STXBP3: variants seen among roughly 807,000 people sequenced by gnomAD.
The protein encoded by STXBP3 is syntaxin-binding protein 3.
A neutral mutation model predicts 85.7 loss-of-function variants in STXBP3; 41 were observed. The ratio of observed to expected loss-of-function variants is 0.48; its 90% CI spans 0.37 to 0.62. STXBP3 has a LOEUF of 0.62. Ranked by LOEUF, STXBP3 falls within the 20% of genes least tolerant of loss-of-function variation. STXBP3 has a pLI of 0.00. For synonymous variants in STXBP3, 229 were observed against 231.7 expected, an observed-to-expected ratio of 0.99 and a Z score of 0.10; for missense variants, 563 against 703.1, an observed-to-expected ratio of 0.80 and a Z score of 2.25.
intron 6 of STXBP3, among the ~76,000 whole-genome samples, chr1:108,762,416 G>T (rs1056170994): frequency 8.6e-5 from 13 of 151,964 alleles, no homozygotes; most frequent in Non-Finnish European, 5.9e-5. Context: ...CTATGAAATT[G>T]TCAGGGGTCT....
chr1:108,758,117 G>C (rs1662058457), intron 4 of STXBP3, among the ~76,000 whole-genome samples: 2 of 151,902 alleles, frequency 1.3e-5, no homozygotes, highest in South Asian at 4.1e-4. Flanking sequence ...AGTCTTGGTG[G>C]TTCGTTATCC....
intron 9 of STXBP3, chr1:108,779,646 T>C (rs1304437642): frequency 6.4e-6 from 2 of 311,764 alleles, no homozygotes; most frequent in Non-Finnish European, 1.1e-5. Context: ...TCCTTAACTG[T>C]GTGTACAGTA....
chr1:108,759,532 T>A (rs1045517334), intron 5 of STXBP3, among the ~76,000 whole-genome samples: 4 of 152,102 alleles, frequency 2.6e-5, no homozygotes, highest in Non-Finnish European at 5.9e-5. Context: ...TATTATAGAG[T>A]CTTAGAATTT....
chr1:108,770,935 T>G (rs773148759), intron 6 of STXBP3, among the ~76,000 whole-genome samples: 5 of 152,118 alleles, frequency 3.3e-5, no homozygotes, highest in Non-Finnish European at 7.4e-5. Context: ...GGGAAATATG[T>G]CTCTTATTTT....
chr1:108,768,433 A>C (rs1662315482), intron 6 of STXBP3, among the ~76,000 whole-genome samples: 1 of 152,160 alleles, frequency 6.6e-6, no homozygotes, highest in African/African-American at 2.4e-5. Flanking sequence ...GAGATTGGGA[A>C]AATATTTGAA....
At chr1:108,807,250 T>G in intron 17 of STXBP3, 151 bp from the exon 18 acceptor site, 1 of 789,574 alleles carries the variant, frequency 1.3e-6, no homozygotes, top group Non-Finnish European at 1.8e-6. Flanking sequence ...AAAGTGAGAC[T>G]CCACCTCAAA....
Position 108,798,248 on chromosome 1 carries a change from T to C in STXBP3, c.1449+11T>C, listed in dbSNP as rs773937517. The C allele has an allele frequency of 1.9e-6, 3 of 1,596,404 alleles. No individual in the cohort carries two copies. Among genetic ancestry groups the C allele is most frequent in the African/African-American group, 2.8e-5 (2 of 72,640 alleles). ...AAAGATATTATGGAGGTAAAAATCATTAAAATGTTTTTTTCTACCTGAGTG... is the reference window on the plus strand; with the variant it reads ...AAAGATATTATGGAGGTAAAAATCACTAAAATGTTTTTTTCTACCTGAGTG... On this transcript the variant is annotated intron_variant, in intron 16 of 18. Transcript: ENST00000370008.
chr1:108,808,961 C>A lies in STXBP3; in HGVS notation c.*84C>A. On this transcript the variant is annotated 3_prime_UTR_variant, in exon 19 of 19. Coordinates refer to ENST00000370008, the MANE Select transcript of STXBP3 (RefSeq NM_007269.4). The stretch of plus-strand genomic sequence containing the variant: ...AAATGTTGCTGTCATGTAATTTAAA[C>A]AATGTAAATATTTTATGGAATAATG... 1.1e-6 allele frequency: 1 copy of A among 913,460 alleles called. No individual in the cohort carries two copies. The highest frequency in any genetic ancestry group is 1.7e-6 in the Non-Finnish European group (1 of 592,572). The allele number at this position is 913,460 out of a possible 1,614,324, so 56.6% of individuals were successfully genotyped here. A position where few individuals can be genotyped will look rare whatever the true frequency, so the allele number is the denominator to read the frequency against.
At chr1:108,749,404 ATGATAGATGAAACTT>A (rs1350377175) in intron 1 of STXBP3, among the ~76,000 whole-genome samples, 11 of 152,214 alleles carry the variant, frequency 7.2e-5, no homozygotes, top group African/African-American at 2.7e-4. Flanking sequence ...AAAGATTAAT[ATGATAGATGAAACTT>A]TGATGATGAA....
At chr1:108,807,576 G>GTTTTTT in intron 18 of STXBP3, 27 bp downstream of exon 18, 11 of 1,342,392 alleles carry the variant, frequency 8.2e-6, no homozygotes, top group Admixed American at 7.7e-5. Flanking sequence ...CTTCTTTTCT[G>GTTTTTT]TTTTTTTTTT....
chr1:108,778,690 T>TGATA (rs1557808990), intron 8 of STXBP3, among the ~76,000 whole-genome samples: 2 of 151,840 alleles, frequency 1.3e-5, no homozygotes, highest in Non-Finnish European at 2.9e-5. Flanking sequence ...TATTCATAAT[T>TGATA]TAAGTTTTAG....
chr1:108,792,945 T>C (rs1663007094), intron 11 of STXBP3, among the ~76,000 whole-genome samples: 1 of 152,206 alleles, frequency 6.6e-6, no homozygotes. Context: ...AGTATATTCT[T>C]AGCACTAAGA....
At chr1:108,784,966 A>G (rs911997105) in intron 11 of STXBP3, among the ~76,000 whole-genome samples, 1 of 152,318 alleles carries the variant, frequency 6.6e-6, no homozygotes, top group Admixed American at 6.5e-5. Flanking sequence ...GTGGGTTCCC[A>G]TGGCCCTAGG....
chr1:108,807,477 G>A lies in STXBP3; in HGVS notation c.1612G>A (p.Gly538Arg). ...AAAGCTGATTGTTTTTGTAATTGGA[G>A]GGATCACATACTCTGAAGTGCGTTG... ...GSKLIVFVIGGITYSEVRCAY... is the reference protein window; with the variant it reads ...GSKLIVFVIGRITYSEVRCAY... The change falls in exon 18 of 19, where the codon GGG (glycine) becomes AGG (arginine). Residue 538 changes from glycine to arginine, a missense_variant. Physicochemically the swap from Gly to Arg is moderately radical, Grantham distance 125. Around this residue, in one of 3 missense-constraint regions of STXBP3, gnomAD observed 494 missense variants for 592.8 expected, o/e 0.83. Transcript: ENST00000370008. The A allele has an allele frequency of 6.2e-7, 1 of 1,613,474 alleles. No homozygotes were observed.
At chr1:108,793,157 A>ATTTTT (rs745652259) in intron 11 of STXBP3, among the ~76,000 whole-genome samples, 1 of 67,506 alleles carries the variant, frequency 1.5e-5, no homozygotes, top group Non-Finnish European at 2.7e-5. Context: ...TCTTATCTCC[A>ATTTTT]TTTTTTTTTT....
chr1:108,748,320 G>A (rs558367045), intron 1 of STXBP3, among the ~76,000 whole-genome samples: 1 of 152,254 alleles, frequency 6.6e-6, no homozygotes, highest in South Asian at 2.1e-4. Context: ...GATCACCTGA[G>A]CCTAGGAGTG....
intron 4 of STXBP3, among the ~76,000 whole-genome samples, chr1:108,757,351 G>A (rs373713962): frequency 2.6e-5 from 4 of 152,022 alleles, no homozygotes; most frequent in African/African-American, 7.2e-5. Context: ...CATGTAGAAC[G>A]TTAATTTGGC....
intron 17 of STXBP3, among the ~76,000 whole-genome samples, chr1:108,803,005 C>T (rs1299249703): frequency 6.6e-6 from 1 of 152,156 alleles, no homozygotes; most frequent in Non-Finnish European, 1.5e-5. Context: ...TTTAGGCTAT[C>T]TCAAAACTGG....
intron 6 of STXBP3, chr1:108,766,935 A>G (rs1282836747): frequency 1.9e-6 from 1 of 536,494 alleles, no homozygotes; most frequent in South Asian, 1.4e-5. Flanking sequence ...GGAGGACTTC[A>G]GTGGCACTAT....
Sources: allele counts gnomAD v4.1 joint callset (sites outside exome capture counted in the v4.1 genomes callset), GRCh38; gene constraint gnomAD v4.1.1; regional missense constraint gnomAD v4.1.1; transcripts MANE v1.5; gene names NCBI Gene and HGNC (gene_info 2026-07-23, HGNC 2026-07-21).